SIDT1: variants seen among roughly 807,000 people sequenced by gnomAD.
The protein encoded by SIDT1 is SID1 transmembrane family member 1.
Under a neutral mutation model 107.5 loss-of-function variants are expected in SIDT1, and 101 were observed. That is an observed-to-expected ratio of 0.94 (90% CI 0.80 to 1.11). The LOEUF (loss-of-function observed/expected upper bound fraction) is 1.11. SIDT1 is among the 50% of genes least tolerant of loss of function. The probability of loss-of-function intolerance (pLI) is 0.00; values close to 1 mark genes in which losing one functional copy is unlikely to be tolerated. For synonymous variants in SIDT1, 395 were observed against 398.2 expected (o/e 0.99, Z 0.10); for missense variants, 1,076 against 1,058.2 (o/e 1.02, Z -0.23).
In SIDT1 at chr3:113,549,499, A is replaced by C. The variant is rs116047210; in HGVS notation, c.222+16256A>C. Among the ~76,000 whole-genome samples, 709 of 152,178 alleles carry C rather than the reference A, an allele frequency of 4.7e-3. 5 individuals carry two copies. The highest frequency in any genetic ancestry group is 0.016 in the African/African-American group (668 of 41,510). On this transcript the variant is annotated intron_variant, in intron 1 of 24. Transcript: ENST00000264852. The stretch of plus-strand genomic sequence containing the variant: ...GATTGTTGCTTTGCATTTCCCTTTA[A>C]TTGCAAAACCCAATGTTGTTGATCA...
At chr3:113,631,874 TC>T (rs1187956380), downstream of SIDT1, among the ~76,000 whole-genome samples, 3 of 152,170 alleles carry the variant, frequency 2.0e-5, no homozygotes, top group Non-Finnish European at 4.4e-5. Context: ...TACCCTTTGC[TC>T]CCCCAATTTT....
intron 1 of SIDT1, among the ~76,000 whole-genome samples, 180 bp from the exon 2 acceptor site, chr3:113,566,240 C>T (rs958678069): frequency 6.6e-6 from 1 of 152,152 alleles, no homozygotes; most frequent in African/African-American, 2.4e-5. Context: ...GGAGAAACAA[C>T]TGGGGCATTT....
At chr3:113,605,048 AC>A (rs1945226579) in intron 14 of SIDT1, 72 bp downstream of exon 14, 3 of 1,526,242 alleles carry the variant, frequency 2.0e-6, no homozygotes, top group Non-Finnish European at 2.7e-6. Context: ...ACTGTGACTG[AC>A]AGAGAGAGGT....
At chr3:113,626,861 CCCTACTAGACTCCCGGGCTCCAGA>C (rs1383884125) in intron 24 of SIDT1, among the ~76,000 whole-genome samples, 1 of 152,168 alleles carries the variant, frequency 6.6e-6, no homozygotes, top group Non-Finnish European at 1.5e-5. Context: ...CAATTAACAA[CCCTACTAGACTCCCGGGCTCCAGA>C]CCTACTAGAT....
At chr3:113,575,206 C>CA (rs888595704) in intron 3 of SIDT1, among the ~76,000 whole-genome samples, 23 of 152,124 alleles carry the variant, frequency 1.5e-4, no homozygotes, top group Admixed American at 8.5e-4. Flanking sequence ...AAATCTCTGG[C>CA]AAAAAAATAT....
chr3:113,554,319 C>T (rs1234372092), intron 1 of SIDT1, among the ~76,000 whole-genome samples: 1 of 152,116 alleles, frequency 6.6e-6, no homozygotes. Flanking sequence ...TTTGACTGCC[C>T]AATCTGAACC....
intron 21 of SIDT1, among the ~76,000 whole-genome samples, chr3:113,622,455 C>T (rs1946524650): frequency 9.5e-6 from 1 of 105,760 alleles, no homozygotes; most frequent in Non-Finnish European, 1.8e-5. Context: ...CACAGTGAGA[C>T]TCCATCTCAA....
chr3:113,605,732 G>A (rs1945279867), intron 14 of SIDT1, among the ~76,000 whole-genome samples: 1 of 152,058 alleles, frequency 6.6e-6, no homozygotes, highest in Admixed American at 6.5e-5. Flanking sequence ...GGCTGGGCAC[G>A]GTGGCTCACA....
Position 113,580,770 on chromosome 3 carries a change from G to A in SIDT1, c.663+61G>A. 3.7e-6 allele frequency: 4 copies of A among 1,075,462 alleles called. No individual in the cohort carries two copies. The South Asian group carries it at 5.1e-5, about 14-fold the overall frequency. The allele number at this position is 1,075,462 out of a possible 1,614,324, so 66.6% of individuals were successfully genotyped here. A position where few individuals can be genotyped will look rare whatever the true frequency, so the allele number is the denominator to read the frequency against. On this transcript the variant is annotated intron_variant, in intron 5 of 24. Coordinates refer to ENST00000264852, the MANE Select transcript of SIDT1 (RefSeq NM_017699.3). Reference sequence around the variant, plus strand: ...AGCATTATATTATTCCAGAACAAATGAAAGAGAAGGGTGGAAGCATGCCAT... The same window carrying A: ...AGCATTATATTATTCCAGAACAAATAAAAGAGAAGGGTGGAAGCATGCCAT...
intron 3 of SIDT1, among the ~76,000 whole-genome samples, chr3:113,576,023 C>T (rs1016187965): frequency 1.3e-5 from 2 of 152,052 alleles, no homozygotes; most frequent in South Asian, 2.1e-4. Context: ...GAGGCAACAG[C>T]CAGAAAGAGA....
chr3:113,542,111 C>T (rs772210516), intron 1 of SIDT1, among the ~76,000 whole-genome samples: 20 of 151,718 alleles, frequency 1.3e-4, no homozygotes, highest in Non-Finnish European at 1.8e-4. Flanking sequence ...TTAGTACAGA[C>T]GGGTTTTCAC....
intron 9 of SIDT1, among the ~76,000 whole-genome samples, chr3:113,587,831 C>G (rs1943853229): frequency 6.6e-6 from 1 of 152,160 alleles, no homozygotes; most frequent in African/African-American, 2.4e-5. Flanking sequence ...GCAGGCTGAT[C>G]AAAATGGGTC....
rs539177066 is a variant in SIDT1 at position 113,616,566 on chromosome 3, C to G, written c.2043+390C>G. On this transcript the variant is annotated intron_variant, in intron 20 of 24. Coordinates refer to ENST00000264852, the MANE Select transcript of SIDT1 (RefSeq NM_017699.3). The stretch of plus-strand genomic sequence containing the variant: ...AGCTAATGAATGCTGGGCTTCATAC[C>G]TGGGTGATGGGATGATCTGTGTAGC... 5.3e-5 allele frequency among the ~76,000 whole-genome samples: 8 copies of G among 152,204 alleles called. 1 individual carries two copies. In the Middle Eastern group the frequency reaches 0.02, roughly 388 times the overall value.
At chr3:113,626,238 GT>G in intron 24 of SIDT1, 23 bp downstream of exon 24, 5 of 1,500,570 alleles carry the variant, frequency 3.3e-6, no homozygotes, top group Non-Finnish European at 4.6e-6. Context: ...CTATCTTTTT[GT>G]GACTTTCTTC....
At chr3:113,542,931 TGTGTG>T (rs1560009484) in intron 1 of SIDT1, among the ~76,000 whole-genome samples, 10 of 151,074 alleles carry the variant, frequency 6.6e-5, no homozygotes, top group African/African-American at 2.5e-4. Flanking sequence ...TGTGTGTGTG[TGTGTG>T]TGTTTGTTTG....
Position 113,580,621 on chromosome 3 carries a change from A to C in SIDT1, c.575A>C (p.Lys192Thr). The C allele has an allele frequency of 3.1e-6, 5 of 1,602,482 alleles. No homozygotes were observed. The highest frequency in any genetic ancestry group is 4.3e-6 in the Non-Finnish European group (5 of 1,169,622). Reference protein sequence around the residue: ...SPSQPQYFLYKFPKDVDSVII... With the variant: ...SPSQPQYFLYTFPKDVDSVII... ...TCTTATTCTCAGTATTTTCTATACA[A>C]GTTTCCCAAAGACGTGGACTCAGTT... Residue 192 changes from lysine to threonine, a missense_variant, in exon 5 of 25, where the codon AAG (lysine) becomes ACG (threonine). By Grantham distance (78) the Lys-to-Thr change is moderately conservative. Coordinates refer to ENST00000264852, the MANE Select transcript of SIDT1 (RefSeq NM_017699.3).
At chr3:113,543,572 T>G (rs1335839149) in intron 1 of SIDT1, among the ~76,000 whole-genome samples, 7 of 151,842 alleles carry the variant, frequency 4.6e-5, no homozygotes, top group Non-Finnish European at 8.8e-5. Context: ...AACTTGGGGG[T>G]TTTTTTTAGA....
At chr3:113,612,315 C>A in intron 19 of SIDT1, 121 bp downstream of exon 19, 1 of 750,320 alleles carries the variant, frequency 1.3e-6, no homozygotes, top group Non-Finnish European at 2.4e-6. Flanking sequence ...GCTCTGAATT[C>A]TATGCCATGT....
At chr3:113,597,804 AC>A (rs1410415145) in intron 10 of SIDT1, among the ~76,000 whole-genome samples, 9 of 152,220 alleles carry the variant, frequency 5.9e-5, no homozygotes, top group Admixed American at 4.6e-4. Context: ...GAGATCATTC[AC>A]AATCGTAAGT....
Sources: allele counts gnomAD v4.1 joint callset (sites outside exome capture counted in the v4.1 genomes callset), GRCh38; gene constraint gnomAD v4.1.1; transcripts MANE v1.5; gene names NCBI Gene and HGNC (gene_info 2026-07-23, HGNC 2026-07-21).